DNAJB9: variants seen among roughly 807,000 people sequenced by gnomAD.
DNAJB9 encodes DnaJ heat shock protein family (Hsp40) member B9, also known as dnaJ homolog subfamily B member 9.
In DNAJB9, 12 loss-of-function variants were observed where a neutral mutation model predicts 19.2. The ratio of observed to expected loss-of-function variants is 0.62; its 90% CI spans 0.40 to 1.01. The LOEUF is 1.01. DNAJB9 is among the 50% of genes least tolerant of loss of function. The pLI, the probability that DNAJB9 is intolerant of heterozygous loss-of-function variation, is 0.00. For missense variants in DNAJB9, 272 were observed against 261.1 expected, an observed-to-expected ratio of 1.04 and a Z score of -0.29; for synonymous variants, 83 against 84.0, an observed-to-expected ratio of 0.99 and a Z score of 0.07.
At position 108,574,679 on chromosome 7, in the gene DNAJB9, T is replaced by G. The variant is rs1236065506; in HGVS notation, c.*1326T>G. On this transcript the variant is annotated 3_prime_UTR_variant, in exon 3 of 3. Coordinates refer to ENST00000249356, the MANE Select transcript of DNAJB9 (RefSeq NM_012328.3). ...TGTTCCTGCTGCCAGTTCTTTCCTC[T>G]TTAGGCGTGGTTGAGAAAAAGCAGA... 4 of 152,194 alleles carry G rather than the reference T, an allele frequency of 2.6e-5. No homozygotes were observed. The highest frequency in any genetic ancestry group is 9.7e-5 in the African/African-American group (4 of 41,450). 9.4% of individuals were successfully genotyped at this position (152,194 alleles called of 1,614,324 possible).
chr7:108,571,286 A>C (rs1047362876), intron 1 of DNAJB9, among the ~76,000 whole-genome samples: 2 of 146,772 alleles, frequency 1.4e-5, no homozygotes, highest in Non-Finnish European at 3.0e-5. Flanking sequence ...TTGGTGCGCC[A>C]CCTTTTTTTT....
In DNAJB9 at chr7:108,574,669, T is replaced by C. The variant is rs1001363431; in HGVS notation, c.*1316T>C. 1 of 152,226 alleles carries C rather than the reference T, an allele frequency of 6.6e-6. No individual in the cohort carries two copies. Among genetic ancestry groups the C allele is most frequent in the African/African-American group, 2.4e-5 (1 of 41,454 alleles). 9.4% of individuals were successfully genotyped at this position (152,226 alleles called of 1,614,324 possible). Reference sequence around the variant, plus strand: ...TAGGAGCAAGTGTTCCTGCTGCCAGTTCTTTCCTCTTTAGGCGTGGTTGAG... The same window carrying C: ...TAGGAGCAAGTGTTCCTGCTGCCAGCTCTTTCCTCTTTAGGCGTGGTTGAG... On this transcript the variant is annotated 3_prime_UTR_variant, in exon 3 of 3. Transcript: ENST00000249356.
chr7:108,571,118 T>C (rs1001374272), intron 1 of DNAJB9, among the ~76,000 whole-genome samples: 1 of 152,180 alleles, frequency 6.6e-6, no homozygotes, highest in Non-Finnish European at 1.5e-5. Flanking sequence ...TTTGGGATCT[T>C]ACATTTGGGA....
intron 1 of DNAJB9, among the ~76,000 whole-genome samples, chr7:108,571,417 A>T (rs1790618849): frequency 6.6e-6 from 1 of 151,776 alleles, no homozygotes; most frequent in African/African-American, 2.4e-5. Flanking sequence ...ATGCTTGCAT[A>T]TGATGAATCT....
rs1323918384 is a variant in DNAJB9 at position 108,573,921 on chromosome 7, A to G, written c.*568A>G. 6.6e-6 allele frequency: 1 copy of G among 152,396 alleles called. No individual in the cohort carries two copies. Among genetic ancestry groups the G allele is most frequent in the African/African-American group, 2.4e-5 (1 of 41,458 alleles). The allele number at this position is 152,396 out of a possible 1,614,324, so 9.4% of individuals were successfully genotyped here. ...GCCTTTCTACAGTAGAACTGGGGTA[A>G]AGGAAATGGTTTTATTGCCCATAGT... On this transcript the variant is annotated 3_prime_UTR_variant, in exon 3 of 3. Transcript: ENST00000249356.
chr7:108,572,071 G>A (rs1790629114), intron 2 of DNAJB9, 128 bp downstream of exon 2: 1 of 778,010 alleles, frequency 1.3e-6, no homozygotes, highest in Admixed American at 2.9e-5. Flanking sequence ...ATAAATATTG[G>A]GTGATTCTCT....
Position 108,571,877 on chromosome 7 carries a change from A to G in DNAJB9, c.151A>G (p.Met51Val), listed in dbSNP as rs375194157. ...QIKKAFHKLA[M>V]KYHPDKNKSP... ...CAAGAAGGCCTTTCACAAGTTGGCC[A>G]TGAAGTACCACCCTGACAAAAATAA... is the stretch of plus-strand genomic sequence containing the variant. Residue 51 changes from methionine to valine, a missense_variant, in exon 2 of 3, where the codon ATG (methionine) becomes GTG (valine). Physicochemically the swap from Met to Val is conservative, Grantham distance 21 (BLOSUM62 1). Coordinates refer to ENST00000249356, the MANE Select transcript of DNAJB9 (RefSeq NM_012328.3). The G allele has an allele frequency of 1.9e-6, 3 of 1,614,072 alleles. No individual in the cohort carries two copies. The highest frequency in any genetic ancestry group is 2.7e-5 in the African/African-American group (2 of 74,930).
intron 2 of DNAJB9, 55 bp downstream of exon 2, chr7:108,571,998 A>G: frequency 1.3e-6 from 2 of 1,552,068 alleles, no homozygotes; most frequent in Middle Eastern, 1.7e-4. Context: ...AAGGAGAATG[A>G]TAGCTAAGAA....
chr7:108,570,722 C>T lies in DNAJB9; in HGVS notation c.-11+619C>T, dbSNP rs541002331. 2.6e-5 allele frequency among the ~76,000 whole-genome samples: 4 copies of T among 152,226 alleles called. No homozygotes were observed. In the East Asian group the frequency reaches 7.7e-4, roughly 29 times the overall value. ...GAGTAACTCTCTGGAAATAAGTAAT[C>T]TACCTGCCTGCTAATTACTCTCAGG... is the stretch of plus-strand genomic sequence containing the variant. On this transcript the variant is annotated intron_variant, in intron 1 of 2. Coordinates refer to ENST00000249356, the MANE Select transcript of DNAJB9 (RefSeq NM_012328.3).
chr7:108,569,917 G>C lies in DNAJB9; in HGVS notation c.-197G>C. ...GCTACCTCCTGCCTGTGAGGAGCTG[G>C]CTGAGAGGGGACTGGGCGCCGGCGG... On this transcript the variant is annotated 5_prime_UTR_variant, in exon 1 of 3. Coordinates refer to ENST00000249356, the MANE Select transcript of DNAJB9 (RefSeq NM_012328.3). 1 of 397,360 alleles carries C rather than the reference G, an allele frequency of 2.5e-6. No homozygotes were observed. Among genetic ancestry groups the C allele is most frequent in the Non-Finnish European group, 4.7e-6 (1 of 213,050 alleles). The allele number at this position is 397,360 out of a possible 1,614,324, so 24.6% of individuals were successfully genotyped here. A position where few individuals can be genotyped will look rare whatever the true frequency, so the allele number is the denominator to read the frequency against.
In DNAJB9 at chr7:108,570,008, G is replaced by C. The variant is rs1790587837; in HGVS notation, c.-106G>C. 5.0e-6 allele frequency: 1 copy of C among 198,952 alleles called. No homozygotes were observed. Among genetic ancestry groups the C allele is most frequent in the Admixed American group, 5.4e-5 (1 of 18,664 alleles). The allele number at this position is 198,952 out of a possible 1,614,324, so 12.3% of individuals were successfully genotyped here. ...GTGCGTGCCAGCTCCGGGAGGCCGC[G>C]GTGAGGGGCCGGGCCCAAGCTGCCG... On this transcript the variant is annotated 5_prime_UTR_variant, in exon 1 of 3. Coordinates refer to ENST00000249356, the MANE Select transcript of DNAJB9 (RefSeq NM_012328.3).
chr7:108,570,666 G>C (rs1017102739), intron 1 of DNAJB9, among the ~76,000 whole-genome samples: 3 of 152,136 alleles, frequency 2.0e-5, no homozygotes. Context: ...AAACCGAGAA[G>C]TGGTTCTTGA....
intron 1 of DNAJB9, among the ~76,000 whole-genome samples, chr7:108,570,816 C>T (rs188818503): frequency 3.3e-5 from 5 of 152,280 alleles, no homozygotes; most frequent in African/African-American, 1.2e-4. Flanking sequence ...CTTATTATGG[C>T]ATTATAGGTT....
chr7:108,571,829 A>T lies in DNAJB9; in HGVS notation c.103A>T (p.Lys35Ter). The T allele has an allele frequency of 6.2e-7, 1 of 1,614,202 alleles. No individual in the cohort carries two copies. The highest frequency in any genetic ancestry group is 8.5e-7 in the Non-Finnish European group (1 of 1,180,032). Reference sequence around the variant, plus strand: ...CTACTATGATATCTTAGGTGTGCCAAAATCGGCATCAGAGCGCCAAATCAA... The same window carrying T: ...CTACTATGATATCTTAGGTGTGCCATAATCGGCATCAGAGCGCCAAATCAA... ...KSYYDILGVP[K>*]SASERQIKKA... is the part of the protein sequence containing the mutation. Residue 35 changes from lysine (K) to a stop codon, truncating the protein, a stop_gained, in exon 2 of 3, where the codon AAA (lysine) becomes TAA (stop). Transcript: ENST00000249356. LOFTEE classifies it high-confidence loss of function.
Position 108,571,884 on chromosome 7 carries a change from A to G in DNAJB9, c.158A>G (p.Tyr53Cys), listed in dbSNP as rs1474997505. ...KKAFHKLAMK[Y>C]HPDKNKSPDA... ...GCCTTTCACAAGTTGGCCATGAAGT[A>G]CCACCCTGACAAAAATAAGAGCCCG... Residue 53 changes from tyrosine to cysteine, a missense_variant, in exon 2 of 3, where the codon TAC (tyrosine) becomes TGC (cysteine). By Grantham distance (194) the Tyr-to-Cys change is radical (BLOSUM62 -2). Transcript: ENST00000249356. 3 of 1,614,048 alleles carry G rather than the reference A, an allele frequency of 1.9e-6. No homozygotes were observed. The highest frequency in any genetic ancestry group is 1.1e-5 in the South Asian group (1 of 91,094).
intron 2 of DNAJB9, among the ~76,000 whole-genome samples, 174 bp from the exon 3 acceptor site, chr7:108,572,725 A>G (rs1169434028): frequency 1.3e-5 from 2 of 152,132 alleles, no homozygotes; most frequent in Admixed American, 6.5e-5. Context: ...TTTCTGCTTT[A>G]TTTTATAATT....
In DNAJB9 at chr7:108,574,115, T is replaced by C. The variant is rs1790665845; in HGVS notation, c.*762T>C. ...GCACTCTTAGGTCTTAGTATGGATT[T>C]ATGTGTTTGTGTGTGTGTAGTTTAT... On this transcript the variant is annotated 3_prime_UTR_variant, in exon 3 of 3. Coordinates refer to ENST00000249356, the MANE Select transcript of DNAJB9 (RefSeq NM_012328.3). The C allele has an allele frequency of 6.6e-6, 1 of 152,634 alleles. No individual in the cohort carries two copies. The highest frequency in any genetic ancestry group is 2.4e-5 in the African/African-American group (1 of 41,458). The allele number at this position is 152,634 out of a possible 1,614,324, so 9.5% of individuals were successfully genotyped here. A position where few individuals can be genotyped will look rare whatever the true frequency, so the allele number is the denominator to read the frequency against.
In DNAJB9 at chr7:108,572,905, A is replaced by C; in HGVS notation, c.224A>C (p.Glu75Ala). 6.3e-7 allele frequency: 1 copy of C among 1,595,096 alleles called. No individual in the cohort carries two copies. The highest frequency in any genetic ancestry group is 1.1e-5 in the South Asian group (1 of 87,820). Residue 75 changes from glutamate (E) to alanine (A), a missense_variant, in exon 3 of 3, where the codon GAA becomes GCA. Coordinates refer to ENST00000249356, the MANE Select transcript of DNAJB9 (RefSeq NM_012328.3). Reference protein sequence around the residue: ...AKFREIAEAYETLSDANRRKE... With the variant: ...AKFREIAEAYATLSDANRRKE... Reference sequence around the variant, plus strand: ...ATATTTTTGTCACTTTCAGCATATGAAACACTCTCAGATGCTAATAGACGA... The same window carrying C: ...ATATTTTTGTCACTTTCAGCATATGCAACACTCTCAGATGCTAATAGACGA...
intron 2 of DNAJB9, 106 bp from the exon 3 acceptor site, chr7:108,572,793 C>T (rs561878080): frequency 4.5e-6 from 4 of 884,044 alleles, no homozygotes; most frequent in East Asian, 2.7e-5. Context: ...ATGCGAAATT[C>T]TTCCCTAAAA....
Sources: gnomAD v4.1 joint callset for allele counts (sites outside exome capture counted in the v4.1 genomes callset) on GRCh38, gnomAD v4.1.1 for gene constraint, MANE v1.5 for transcripts, NCBI Gene and HGNC (gene_info 2026-07-23, HGNC 2026-07-21) for gene names.